Variants in GRM7 observed in about 807,000 individuals in gnomAD.
GRM7 encodes the protein glutamate metabotropic receptor 7.
In GRM7, 35 loss-of-function variants were observed where a neutral mutation model predicts 84.5. The observed-to-expected ratio is 0.41, with a 90% CI of 0.32 to 0.55. GRM7 has a LOEUF of 0.55. GRM7 is among the 20% of genes least tolerant of loss of function. The pLI is 0.19. For missense variants in GRM7, 1,003 were observed against 1,194.6 expected, an observed-to-expected ratio of 0.84 and a Z score of 2.36; for synonymous variants, 487 against 455.1, an observed-to-expected ratio of 1.07 and a Z score of -0.89.
chr3:7,128,135 A>C lies in GRM7; in HGVS notation c.520-18317A>C, dbSNP rs573704889. Among the ~76,000 whole-genome samples, 7 of 151,788 alleles carry C rather than the reference A, an allele frequency of 4.6e-5. No individual in the cohort carries two copies. In the South Asian group the frequency reaches 1.5e-3, roughly 31 times the overall value. ...TAATAATATTTATGTGGGTCCCTTT[A>C]CTTTAAAAAACTGGTGGATATAAAG... On this transcript the variant is annotated intron_variant, in intron 1 of 9. Coordinates refer to ENST00000357716, the MANE Select transcript of GRM7 (RefSeq NM_000844.4).
rs532314843 is a variant in GRM7 at position 7,586,235 on chromosome 3, A to G, written c.2451+6878A>G. Among the ~76,000 whole-genome samples the G allele has an allele frequency of 9.8e-5, 15 of 152,336 alleles. No homozygotes were observed. The South Asian group carries it at 1.9e-3, about 19-fold the overall frequency. Reference sequence around the variant, plus strand: ...ACTCATATACTGCCAGTGGGAATATAAAACATGGTACAACTGCTTTGGAAA... The same window carrying G: ...ACTCATATACTGCCAGTGGGAATATGAAACATGGTACAACTGCTTTGGAAA... On this transcript the variant is annotated intron_variant, in intron 8 of 9. Transcript: ENST00000357716.
chr3:7,387,135 A>G (rs1449339697), intron 4 of GRM7, among the ~76,000 whole-genome samples: 2 of 151,904 alleles, frequency 1.3e-5, no homozygotes, highest in African/African-American at 2.4e-5. Context: ...TTTAATGGTT[A>G]TTTGTTTTTT....
chr3:7,442,760 T>C (rs770967226), intron 5 of GRM7, among the ~76,000 whole-genome samples: 2 of 152,174 alleles, frequency 1.3e-5, no homozygotes, highest in Non-Finnish European at 2.9e-5. Context: ...GGGAAGCACA[T>C]TAATCCAAGA....
chr3:7,007,919 G>T (rs1352519051), intron 1 of GRM7, among the ~76,000 whole-genome samples: 3 of 152,086 alleles, frequency 2.0e-5, no homozygotes, highest in Non-Finnish European at 4.4e-5. Context: ...TTGGTTCTTG[G>T]CCCAACTGTA....
chr3:7,405,782 T>A (rs1391526736), intron 4 of GRM7, among the ~76,000 whole-genome samples: 1 of 152,098 alleles, frequency 6.6e-6, no homozygotes, highest in Non-Finnish European at 1.5e-5. Context: ...TATAGATGTA[T>A]AAGGAATTAA....
At chr3:7,630,538 A>G (rs1206471751) in intron 8 of GRM7, among the ~76,000 whole-genome samples, 2 of 152,160 alleles carry the variant, frequency 1.3e-5, no homozygotes, top group Non-Finnish European at 2.9e-5. Context: ...CTACTACCCC[A>G]AAAGGTTTTC....
At chr3:7,277,189 G>C (rs1414230723) in intron 2 of GRM7, among the ~76,000 whole-genome samples, 1 of 151,930 alleles carries the variant, frequency 6.6e-6, no homozygotes, top group East Asian at 1.9e-4. Flanking sequence ...TTCTCACAAA[G>C]ACTTTATCCT....
chr3:7,386,949 A>G (rs1200146235), intron 4 of GRM7, among the ~76,000 whole-genome samples: 2 of 152,148 alleles, frequency 1.3e-5, no homozygotes, highest in South Asian at 2.1e-4. Context: ...TGATTTTTCA[A>G]TAAAAGTCAT....
At chr3:7,394,185 C>G (rs1372091473) in intron 4 of GRM7, among the ~76,000 whole-genome samples, 1 of 152,146 alleles carries the variant, frequency 6.6e-6, no homozygotes, top group Non-Finnish European at 1.5e-5. Context: ...GCTCTCCTTC[C>G]TCTCTCTTGT....
intron 1 of GRM7, among the ~76,000 whole-genome samples, chr3:7,049,325 G>A (rs536196258): frequency 4.0e-4 from 61 of 152,080 alleles, no homozygotes; most frequent in African/African-American, 1.4e-3. Context: ...CACAATCATG[G>A]CAGAAGTCAA....
At chr3:7,298,608 C>T in intron 2 of GRM7, 76 bp from the exon 3 acceptor site, 4 of 1,247,314 alleles carry the variant, frequency 3.2e-6, no homozygotes, top group Non-Finnish European at 3.5e-6. Flanking sequence ...AGAATCTCCT[C>T]CTCATCTACC....
rs1387026609 is a variant in GRM7 at position 7,572,879 on chromosome 3, T to TATATAA, written c.1516-5542_1516-5541insTATAAA. On this transcript the variant is annotated intron_variant, in intron 7 of 9. Coordinates refer to ENST00000357716, the MANE Select transcript of GRM7 (RefSeq NM_000844.4). ...ATATATATATATATATATATATATA[T>TATATAA]AAATAATCTTTCTACCTATAATAAT... is the stretch of plus-strand genomic sequence containing the variant. Among the ~76,000 whole-genome samples, 92 of 66,144 alleles carry TATATAA rather than the reference T, an allele frequency of 1.4e-3. 8 individuals are homozygous for TATATAA. Among genetic ancestry groups the TATATAA allele is most frequent in the Non-Finnish European group, 2.7e-3 (81 of 29,612 alleles). The allele number at this position is 66,144 out of a possible 152,430, so 43.4% of individuals were successfully genotyped here.
chr3:7,242,407 G>T (rs1485595676), intron 2 of GRM7, among the ~76,000 whole-genome samples: 2 of 152,184 alleles, frequency 1.3e-5, no homozygotes, highest in African/African-American at 4.8e-5. Context: ...TGGACTAGAG[G>T]TTGTGTAAGA....
chr3:7,428,855 A>G (rs1443953241), intron 5 of GRM7, among the ~76,000 whole-genome samples: 2 of 152,210 alleles, frequency 1.3e-5, no homozygotes, highest in Non-Finnish European at 2.9e-5. Context: ...AATTTTCTTC[A>G]TTAAAATATT....
intron 5 of GRM7, among the ~76,000 whole-genome samples, chr3:7,421,898 C>T (rs1336282262): frequency 7.0e-6 from 1 of 143,514 alleles, no homozygotes; most frequent in Non-Finnish European, 1.5e-5. Flanking sequence ...CATAGCAAGA[C>T]CCTGTCTCTA....
chr3:7,443,793 T>C (rs962716632), intron 5 of GRM7, among the ~76,000 whole-genome samples: 6 of 152,194 alleles, frequency 3.9e-5, no homozygotes. Flanking sequence ...ACATAAGAAA[T>C]GAGAGTAGTT....
intron 2 of GRM7, among the ~76,000 whole-genome samples, chr3:7,217,308 C>T (rs1337815023): frequency 6.6e-6 from 1 of 152,140 alleles, no homozygotes; most frequent in Admixed American, 6.6e-5. Flanking sequence ...TGACCTAATT[C>T]CCACTCAACT....
chr3:6,981,735 TC>T (rs1694208577), intron 1 of GRM7, among the ~76,000 whole-genome samples: 2 of 152,086 alleles, frequency 1.3e-5, no homozygotes, highest in South Asian at 4.2e-4. Context: ...CAAATCAAAA[TC>T]ATAATGAGAT....
intron 2 of GRM7, among the ~76,000 whole-genome samples, chr3:7,243,333 GT>G (rs1337091146): frequency 6.6e-6 from 1 of 152,028 alleles, no homozygotes; most frequent in African/African-American, 2.4e-5. Context: ...GCTTGATTCA[GT>G]GGATCAAACT....
Sources: allele counts gnomAD v4.1 joint callset (sites outside exome capture counted in the v4.1 genomes callset), GRCh38; gene constraint gnomAD v4.1.1; transcripts MANE v1.5; gene names NCBI Gene and HGNC (gene_info 2026-07-23, HGNC 2026-07-21).